Variants in ZNF425 observed in about 807,000 individuals in gnomAD.
The protein encoded by ZNF425 is zinc finger protein 425.
A neutral mutation model predicts 17.0 loss-of-function variants in ZNF425; 21 were observed. The ratio of observed to expected loss-of-function variants is 1.23; its 90% CI spans 0.88 to 1.78. The LOEUF is 1.78. Ranked by LOEUF, ZNF425 falls within the 40% of genes most tolerant of loss-of-function variation. The pLI is 0.00. For missense variants in ZNF425, 868 were observed against 967.3 expected (o/e 0.90, Z 1.36); for synonymous variants, 433 against 384.1 (o/e 1.13, Z -1.49).
chr7:149,126,010 A>G (rs1411933737), intron 1 of ZNF425, 186 bp downstream of exon 1: 21 of 1,281,806 alleles, frequency 1.6e-5, no homozygotes, highest in Non-Finnish European at 1.9e-5. Context: ...CCCCAGGTCA[A>G]TTCCAGAACA....
chr7:149,126,047 C>T (rs1826461203), intron 1 of ZNF425, 149 bp downstream of exon 1: 2 of 1,481,020 alleles, frequency 1.4e-6, no homozygotes, highest in Non-Finnish European at 1.8e-6. Context: ...TGCACCTTCT[C>T]CAGCCCAGCC....
chr7:149,103,749 T>C lies in ZNF425; in HGVS notation c.2122A>G (p.Ser708Gly), dbSNP rs746307108. Residue 708 changes from serine to glycine, a missense_variant, in exon 4 of 4, where the codon AGC becomes GGC. Around this residue, in one of 5 missense-constraint regions of ZNF425, gnomAD observed 437 missense variants for 444.2 expected, o/e 0.98. Coordinates refer to ENST00000378061, the MANE Select transcript of ZNF425 (RefSeq NM_001001661.3). ...TGAAGGCACAGATGGGCCTTCAGGCTTCTCTTCTGGAGGAAGCCTTTGCCA... is the reference window on the plus strand; with the variant it reads ...TGAAGGCACAGATGGGCCTTCAGGCCTCTCTTCTGGAGGAAGCCTTTGCCA... ...ECGKGFLQKR[S>G]LKAHLCLHSG... is the part of the protein sequence containing the mutation. The C allele has an allele frequency of 1.9e-6, 3 of 1,614,224 alleles. No homozygotes were observed. Among genetic ancestry groups the C allele is most frequent in the Admixed American group, 1.7e-5 (1 of 60,006 alleles).
chr7:149,117,288 G>A (rs1826281271), intron 2 of ZNF425, among the ~76,000 whole-genome samples: 1 of 151,716 alleles, frequency 6.6e-6, no homozygotes. Context: ...ATACAAGAAT[G>A]TGTCAGAATA....
In ZNF425 at chr7:149,103,624, G is replaced by A. The variant is rs1390686295; in HGVS notation, c.2247C>T (p.Pro749=). ...THIAVHAKEK[P]SSL is the part of the protein sequence containing the mutation. The stretch of plus-strand genomic sequence containing the variant: ...TGCATGGCCTGACCTAGAGGCTGGA[G>A]GGCTTCTCTTTGGCATGCACTGCAA... Residue 749 remains proline (P), a synonymous_variant, in exon 4 of 4, where the codon CCC becomes CCT. Transcript: ENST00000378061. 1 of 1,603,934 alleles carries A rather than the reference G, an allele frequency of 6.2e-7. No homozygotes were observed. The highest frequency in any genetic ancestry group is 8.5e-7 in the Non-Finnish European group (1 of 1,176,002).
intron 2 of ZNF425, 39 bp downstream of exon 2, chr7:149,118,183 T>C (rs774379463): frequency 6.2e-7 from 1 of 1,613,292 alleles, no homozygotes; most frequent in Non-Finnish European, 8.5e-7. Flanking sequence ...TACTATTAGG[T>C]TGGTTCCTAA....
intron 1 of ZNF425, among the ~76,000 whole-genome samples, chr7:149,122,866 T>C (rs945842531): frequency 6.6e-6 from 1 of 152,144 alleles, no homozygotes; most frequent in Non-Finnish European, 1.5e-5. Flanking sequence ...CAGCTAATTT[T>C]GTATTTTTAG....
At chr7:149,112,991 T>A (rs1264105306) in intron 2 of ZNF425, among the ~76,000 whole-genome samples, 95 of 149,002 alleles carry the variant, frequency 6.4e-4, no homozygotes, top group African/African-American at 2.2e-3. Context: ...TTTTTTTTTT[T>A]TTTTAGACAG....
At position 149,109,964 on chromosome 7, in the gene ZNF425, C is replaced by T. The variant is rs964879302; in HGVS notation, c.304+2173G>A. Reference sequence around the variant, plus strand: ...CAATCTTGGCTCACTGCAACCTCCGCCTCCAGGGCTCAACCAATTCCCCTG... The same window carrying T: ...CAATCTTGGCTCACTGCAACCTCCGTCTCCAGGGCTCAACCAATTCCCCTG... On this transcript the variant is annotated intron_variant, in intron 3 of 3. Coordinates refer to ENST00000378061, the MANE Select transcript of ZNF425 (RefSeq NM_001001661.3). Among the ~76,000 whole-genome samples the T allele has an allele frequency of 2.6e-5, 4 of 151,380 alleles. No homozygotes were observed. The South Asian group carries it at 6.3e-4, about 24-fold the overall frequency.
rs1355384659 is a variant in ZNF425 at position 149,103,513 on chromosome 7, C to G, written c.*99G>C. 2.1e-6 allele frequency: 3 copies of G among 1,430,216 alleles called. No homozygotes were observed. The highest frequency in any genetic ancestry group is 2.8e-6 in the Non-Finnish European group (3 of 1,081,680). The allele number at this position is 1,430,216 out of a possible 1,614,324, so 88.6% of individuals were successfully genotyped here. ...GATTACAGGCGGGAGCCACTGTGCC[C>G]GATCTTACCCTGTGAATCCTTCAAC... On this transcript the variant is annotated 3_prime_UTR_variant, in exon 4 of 4. Coordinates refer to ENST00000378061, the MANE Select transcript of ZNF425 (RefSeq NM_001001661.3).
intron 1 of ZNF425, among the ~76,000 whole-genome samples, chr7:149,125,026 C>G (rs1329011543): frequency 6.6e-6 from 1 of 152,170 alleles, no homozygotes; most frequent in Non-Finnish European, 1.5e-5. Flanking sequence ...CTACCACAAA[C>G]TTTCCCAGAA....
intron 3 of ZNF425, among the ~76,000 whole-genome samples, chr7:149,106,687 T>A (rs559708897): frequency 6.6e-6 from 1 of 152,126 alleles, no homozygotes; most frequent in Non-Finnish European, 1.5e-5. Context: ...ATGAAAAAAA[T>A]TGCAAGCAAA....
At chr7:149,123,564 GCT>G (rs1826395170) in intron 1 of ZNF425, among the ~76,000 whole-genome samples, 1 of 152,136 alleles carries the variant, frequency 6.6e-6, no homozygotes, top group African/African-American at 2.4e-5. Flanking sequence ...GCGGAGTCTC[GCT>G]CTGTCCCCAG....
intron 1 of ZNF425, among the ~76,000 whole-genome samples, chr7:149,121,915 G>A (rs1167297225): frequency 7.9e-5 from 4 of 50,574 alleles, no homozygotes; most frequent in Non-Finnish European, 1.8e-4. Context: ...TATTTTGCCC[G>A]TTTTCTTTGT....
intron 1 of ZNF425, chr7:149,118,768 T>G: frequency 3.8e-6 from 1 of 265,084 alleles, no homozygotes; most frequent in South Asian, 3.6e-5. Flanking sequence ...TGAGTTGAGA[T>G]CCTGCCACTG....
At chr7:149,116,563 G>C (rs560176918) in intron 2 of ZNF425, among the ~76,000 whole-genome samples, 2 of 152,146 alleles carry the variant, frequency 1.3e-5, no homozygotes, top group Non-Finnish European at 2.9e-5. Flanking sequence ...CTCTTGGCTA[G>C]TGTCTCTCCT....
intron 3 of ZNF425, among the ~76,000 whole-genome samples, 154 bp from the exon 4 acceptor site, chr7:149,105,720 G>T (rs558134732): frequency 8.6e-5 from 13 of 151,766 alleles, no homozygotes; most frequent in African/African-American, 2.9e-4. Context: ...GTGCGATCTC[G>T]GCTCACTGCA....
chr7:149,125,261 A>T (rs1050164961), intron 1 of ZNF425, among the ~76,000 whole-genome samples: 1 of 152,234 alleles, frequency 6.6e-6, no homozygotes, highest in Non-Finnish European at 1.5e-5. Flanking sequence ...AAACTTGCAC[A>T]CTTAAGCAAG....
chr7:149,118,494 AC>A, intron 1 of ZNF425, 146 bp from the exon 2 acceptor site: 1 of 970,676 alleles, frequency 1.0e-6, no homozygotes. Context: ...CAAAGGGGTC[AC>A]AAATATCCAC....
intron 2 of ZNF425, among the ~76,000 whole-genome samples, chr7:149,115,755 G>T (rs1021990415): frequency 1.1e-4 from 17 of 151,720 alleles, no homozygotes; most frequent in African/African-American, 3.6e-4. Context: ...GCAGCAGGAA[G>T]CCTCTTCCTC....
Sources: gnomAD v4.1 joint callset for allele counts (sites outside exome capture counted in the v4.1 genomes callset) on GRCh38, gnomAD v4.1.1 for gene constraint, gnomAD v4.1.1 regional missense constraint, MANE v1.5 for transcripts, NCBI Gene and HGNC (gene_info 2026-07-23, HGNC 2026-07-21) for gene names.